The following MCTP1 variants were observed in gnomAD, a reference collection of about 807,000 sequenced individuals.
MCTP1 encodes the protein multiple C2 and transmembrane domain containing 1.
MCTP1 carries 69 observed loss-of-function variants against 120.6 expected under a neutral mutation model. The ratio of observed to expected loss-of-function variants is 0.57; its 90% CI spans 0.47 to 0.70. The LOEUF (loss-of-function observed/expected upper bound fraction) is 0.70. Among genes scored for constraint, MCTP1 ranks in the 30% least tolerant of loss-of-function variants. MCTP1 has a pLI of 0.00. For missense variants in MCTP1, 1,203 were observed against 1,248.8 expected (o/e 0.96, Z 0.55); for synonymous variants, 529 against 493.1 (o/e 1.07, Z -0.96).
chr5:94,940,586 GTA>G (rs1172044491), intron 4 of MCTP1, among the ~76,000 whole-genome samples: 10 of 113,280 alleles, frequency 8.8e-5, no homozygotes, highest in Admixed American at 1.7e-4. Context: ...ACATATATAT[GTA>G]TATATATATA....
chr5:95,261,397 C>G (rs577561790), intron 1 of MCTP1, among the ~76,000 whole-genome samples: 1 of 152,160 alleles, frequency 6.6e-6, no homozygotes, highest in African/African-American at 2.4e-5. Flanking sequence ...AAAAAAGATT[C>G]CTCCCACATT....
chr5:95,074,527 T>G (rs1244557783), intron 1 of MCTP1, among the ~76,000 whole-genome samples: 1 of 152,244 alleles, frequency 6.6e-6, no homozygotes, highest in Admixed American at 6.5e-5. Context: ...TAATTTGTAT[T>G]TATGAAGTTT....
At chr5:94,972,400 T>G (rs138869530) in intron 2 of MCTP1, among the ~76,000 whole-genome samples, 52 of 152,184 alleles carry the variant, frequency 3.4e-4, no homozygotes, top group African/African-American at 1.2e-3. Flanking sequence ...AGAGTCTCTG[T>G]GAGTTTTAGC....
intron 18 of MCTP1, among the ~76,000 whole-genome samples, chr5:94,781,285 C>T (rs1776526431): frequency 6.6e-6 from 1 of 152,080 alleles, no homozygotes; most frequent in Non-Finnish European, 1.5e-5. Flanking sequence ...CTCTGCAGTA[C>T]TTACTATCAT....
chr5:95,204,384 G>A (rs1249512617), intron 1 of MCTP1, among the ~76,000 whole-genome samples: 1 of 151,998 alleles, frequency 6.6e-6, no homozygotes, highest in African/African-American at 2.4e-5. Context: ...ATGGTAAAGG[G>A]CATCCAAAAA....
At position 94,953,317 on chromosome 5, in the gene MCTP1, C is replaced by G; in HGVS notation, c.883G>C (p.Val295Leu). Residue 295 changes from valine to leucine, a missense_variant, in exon 3 of 23, where the codon GTT becomes CTT. By Grantham distance (32) the Val-to-Leu change is conservative. Transcript: ENST00000515393. The part of the protein sequence containing the change: ...YVKFKIGGKE[V>L]FRSKIIHKNL... ...TTGTGTATTATCTTACTTCTAAAAA[C>G]TTCTTTTCCTCCGATTTTAAACTTC... 1 of 1,610,750 alleles carries G rather than the reference C, an allele frequency of 6.2e-7. No individual in the cohort carries two copies.
intron 1 of MCTP1, among the ~76,000 whole-genome samples, chr5:95,270,931 C>CACAA (rs1554243525): frequency 6.9e-6 from 1 of 145,570 alleles, no homozygotes; most frequent in Non-Finnish European, 1.5e-5. Context: ...CTCTCTCTCT[C>CACAA]AAAAAAAAAA....
chr5:94,997,606 G>A (rs1832862399), intron 2 of MCTP1, among the ~76,000 whole-genome samples: 2 of 152,128 alleles, frequency 1.3e-5, no homozygotes, highest in Non-Finnish European at 2.9e-5. Flanking sequence ...CTTTATAATG[G>A]GGAAGGGAGG....
chr5:94,754,143 T>C (rs1217623817), intron 19 of MCTP1, among the ~76,000 whole-genome samples: 1 of 152,194 alleles, frequency 6.6e-6, no homozygotes, highest in East Asian at 1.9e-4. Flanking sequence ...TAGATAGTTT[T>C]CTAAAATATG....
chr5:95,039,878 C>CAAAAAAAAA (rs57011733), intron 1 of MCTP1, among the ~76,000 whole-genome samples: 5 of 77,620 alleles, frequency 6.4e-5, no homozygotes, highest in African/African-American at 1.0e-4. Flanking sequence ...GTACCGTTTG[C>CAAAAAAAAA]AAAAAAAAAA....
intron 1 of MCTP1, among the ~76,000 whole-genome samples, chr5:95,171,868 G>C (rs1318825471): frequency 6.6e-6 from 1 of 152,040 alleles, no homozygotes; most frequent in Non-Finnish European, 1.5e-5. Flanking sequence ...TACTCCTTTA[G>C]CTCGGAGGAG....
At chr5:95,056,393 G>C (rs1747403717) in intron 1 of MCTP1, among the ~76,000 whole-genome samples, 1 of 152,086 alleles carries the variant, frequency 6.6e-6, no homozygotes, top group African/African-American at 2.4e-5. Context: ...GCTTTTAGTG[G>C]TTTTGAAATT....
intron 17 of MCTP1, among the ~76,000 whole-genome samples, chr5:94,836,312 A>C (rs1198700216): frequency 1.3e-5 from 2 of 152,168 alleles, no homozygotes; most frequent in African/African-American, 4.8e-5. Context: ...AATGGTATAC[A>C]AAATGCTAAC....
chr5:94,749,476 G>A (rs925394214), intron 19 of MCTP1, among the ~76,000 whole-genome samples: 2 of 152,010 alleles, frequency 1.3e-5, no homozygotes, highest in South Asian at 2.1e-4. Context: ...CCAACATGGC[G>A]AAACCCTGTC....
At chr5:94,933,334 G>A (rs891311267) in intron 5 of MCTP1, among the ~76,000 whole-genome samples, 3 of 151,694 alleles carry the variant, frequency 2.0e-5, no homozygotes, top group Non-Finnish European at 4.4e-5. Context: ...CATCTAGGGG[G>A]ACATGTACTA....
chr5:94,723,719 T>C (rs1411477931), intron 19 of MCTP1, among the ~76,000 whole-genome samples: 1 of 152,178 alleles, frequency 6.6e-6, no homozygotes, highest in Non-Finnish European at 1.5e-5. Context: ...CTTAATCTTA[T>C]ACATGTAATT....
chr5:94,772,451 C>A (rs965419120), intron 19 of MCTP1, among the ~76,000 whole-genome samples: 2 of 152,164 alleles, frequency 1.3e-5, no homozygotes, highest in African/African-American at 4.8e-5. Flanking sequence ...GGCCTCTCCA[C>A]TTCTGATCAC....
intron 17 of MCTP1, among the ~76,000 whole-genome samples, chr5:94,825,232 T>G (rs1252400179): frequency 6.6e-6 from 1 of 152,214 alleles, no homozygotes; most frequent in East Asian, 1.9e-4. Flanking sequence ...GATTCTGGTA[T>G]GTTGTGTCTT....
intron 1 of MCTP1, among the ~76,000 whole-genome samples, chr5:95,232,859 G>A (rs1407511019): frequency 2.6e-5 from 4 of 152,128 alleles, no homozygotes; most frequent in African/African-American, 4.8e-5. Context: ...AATAGTATGA[G>A]GGAAAATGAA....
Sources: allele counts gnomAD v4.1 joint callset (sites outside exome capture counted in the v4.1 genomes callset), GRCh38; gene constraint gnomAD v4.1.1; transcripts MANE v1.5; gene names NCBI Gene and HGNC (gene_info 2026-07-23, HGNC 2026-07-21).